Variants in CRYL1 observed in about 807,000 individuals in gnomAD.
CRYL1 encodes lambda-crystallin homolog.
In CRYL1, 29 loss-of-function variants were observed where a neutral mutation model predicts 36.6. The observed-to-expected ratio is 0.79, with a 90% CI of 0.59 to 1.08. CRYL1 has a LOEUF of 1.08. Ranked by LOEUF, CRYL1 falls within the 50% of genes least tolerant of loss-of-function variation. CRYL1 has a pLI of 0.00. For missense variants in CRYL1, 411 were observed against 407.9 expected, an observed-to-expected ratio of 1.01 and a Z score of -0.06; for synonymous variants, 152 against 151.5, an observed-to-expected ratio of 1.00 and a Z score of -0.02.
rs183011538 is a variant in CRYL1 at position 20,489,722 on chromosome 13, C to T, written c.150-226G>A. 1.0e-3 allele frequency among the ~76,000 whole-genome samples: 153 copies of T among 152,226 alleles called. 1 individual carries two copies. The highest frequency in any genetic ancestry group is 3.4e-3 in the African/African-American group (140 of 41,524). On this transcript the variant is annotated intron_variant, in intron 2 of 7. Coordinates refer to ENST00000298248, the MANE Select transcript of CRYL1 (RefSeq NM_015974.3). ...TGGTGAGACTGTAAAATGGTGCAAC[C>T]GCTATGGAAAACAGATATGGCAGTT...
At chr13:20,407,944 C>A (rs142542916) in intron 6 of CRYL1, among the ~76,000 whole-genome samples, 31 of 152,168 alleles carry the variant, frequency 2.0e-4, no homozygotes, top group Non-Finnish European at 4.3e-4. Context: ...GAGGCCACAG[C>A]CACTAGGAGG....
intron 3 of CRYL1, among the ~76,000 whole-genome samples, chr13:20,486,001 C>G (rs1248032965): frequency 6.6e-6 from 1 of 152,126 alleles, no homozygotes; most frequent in Non-Finnish European, 1.5e-5. Context: ...CCACTGCAAC[C>G]TCCACCTCCC....
chr13:20,430,476 C>A (rs2032034311), intron 5 of CRYL1: 4 of 985,366 alleles, frequency 4.1e-6, no homozygotes, highest in Middle Eastern at 5.2e-4. Flanking sequence ...GCTGCCATGA[C>A]CCATGAAGAG....
rs56087130 is a variant in CRYL1 at position 20,439,514 on chromosome 13, C to CAAAAAAAAAAAAAAAAAAA, written c.438+78_438+79insTTTTTTTTTTTTTTTTTTT. On this transcript the variant is annotated intron_variant, in intron 4 of 7. Coordinates refer to ENST00000298248, the MANE Select transcript of CRYL1 (RefSeq NM_015974.3). ...ACAAGTTATTGACCCCCCTCCCCCG[C>CAAAAAAAAAAAAAAAAAAA]AAAAAAAAAAAAAAAAGAAAAAAAA... 1.8e-4 allele frequency: 61 copies of CAAAAAAAAAAAAAAAAAAA among 331,810 alleles called. 3 individuals carry two copies. The highest frequency in any genetic ancestry group is 8.4e-4 in the East Asian group (10 of 11,868). The allele number at this position is 331,810 out of a possible 1,614,324, so 20.6% of individuals were successfully genotyped here.
intron 3 of CRYL1, among the ~76,000 whole-genome samples, chr13:20,469,576 T>G (rs1473402655): frequency 6.6e-6 from 1 of 152,204 alleles, no homozygotes; most frequent in Non-Finnish European, 1.5e-5. Context: ...TTCAATTAAC[T>G]CAGTGGCTGG....
At chr13:20,503,254 T>A (rs2033734975) in intron 2 of CRYL1, among the ~76,000 whole-genome samples, 1 of 152,172 alleles carries the variant, frequency 6.6e-6, no homozygotes, top group Non-Finnish European at 1.5e-5. Flanking sequence ...CACAGGGAAG[T>A]CAGATTGAAC....
At chr13:20,427,227 T>C (rs905670651) in intron 5 of CRYL1, 2 of 985,286 alleles carry the variant, frequency 2.0e-6, no homozygotes, top group African/African-American at 3.5e-5. Context: ...GGGAAGTAAG[T>C]GTCAGTAGAT....
At chr13:20,424,287 C>T (rs2031885665) in intron 5 of CRYL1, among the ~76,000 whole-genome samples, 2 of 152,194 alleles carry the variant, frequency 1.3e-5, no homozygotes, top group South Asian at 4.1e-4. Flanking sequence ...GCAGTCCCAA[C>T]AGAGGTGCTG....
At chr13:20,495,678 A>T (rs548292663) in intron 2 of CRYL1, among the ~76,000 whole-genome samples, 1 of 152,334 alleles carries the variant, frequency 6.6e-6, no homozygotes, top group African/African-American at 2.4e-5. Context: ...GCAAAGAGAG[A>T]TTTGCACAGT....
intron 4 of CRYL1, among the ~76,000 whole-genome samples, chr13:20,433,484 C>G (rs1351797419): frequency 1.3e-5 from 2 of 152,154 alleles, no homozygotes; most frequent in Non-Finnish European, 2.9e-5. Context: ...AAAGATGACT[C>G]CCACAGAAGA....
At position 20,505,220 on chromosome 13, in the gene CRYL1, G is replaced by A. The variant is rs566830099; in HGVS notation, c.149+7223C>T. On this transcript the variant is annotated intron_variant, in intron 2 of 7. Transcript: ENST00000298248. Reference sequence around the variant, plus strand: ...AAAAATACTAAAATCAGCCAGACGTGGTGGCACATGCCTGTAGTCCCAGCT... The same window carrying A: ...AAAAATACTAAAATCAGCCAGACGTAGTGGCACATGCCTGTAGTCCCAGCT... Among the ~76,000 whole-genome samples the A allele has an allele frequency of 3.4e-3, 520 of 152,138 alleles. 2 individuals are homozygous for A. The highest frequency in any genetic ancestry group is 5.6e-3 in the Non-Finnish European group (379 of 68,002).
chr13:20,486,875 A>G (rs1035126196), intron 3 of CRYL1, among the ~76,000 whole-genome samples: 1 of 152,138 alleles, frequency 6.6e-6, no homozygotes, highest in African/African-American at 2.4e-5. Context: ...AATAATTACC[A>G]TTTCCTGAGC....
At chr13:20,429,713 G>T (rs540823635) in intron 5 of CRYL1, among the ~76,000 whole-genome samples, 14 of 152,244 alleles carry the variant, frequency 9.2e-5, no homozygotes, top group African/African-American at 3.4e-4. Context: ...TGGATGCTCA[G>T]GTGTGCATGT....
At chr13:20,478,921 AT>A (rs34898995) in intron 3 of CRYL1, among the ~76,000 whole-genome samples, 93,489 of 145,714 alleles carry the variant, frequency 0.64, 30,499 homozygotes, top group East Asian at 0.8. Context: ...AGCCCAGCTA[AT>A]TTTTTTTTTT....
At chr13:20,414,117 G>C (rs2031594124) in intron 5 of CRYL1, among the ~76,000 whole-genome samples, 1 of 152,126 alleles carries the variant, frequency 6.6e-6, no homozygotes. Flanking sequence ...AGAAGTTGCA[G>C]TGAGCTGAGA....
chr13:20,484,870 A>T (rs1161500984), intron 3 of CRYL1, among the ~76,000 whole-genome samples: 1 of 152,218 alleles, frequency 6.6e-6, no homozygotes, highest in East Asian at 1.9e-4. Context: ...TTAATTAGGT[A>T]AGATACATGT....
chr13:20,460,229 T>C (rs1470228521), intron 3 of CRYL1, among the ~76,000 whole-genome samples: 3 of 152,200 alleles, frequency 2.0e-5, no homozygotes, highest in Non-Finnish European at 4.4e-5. Flanking sequence ...GATTTAATCC[T>C]TGCACCACAT....
intron 1 of CRYL1, among the ~76,000 whole-genome samples, chr13:20,520,627 G>A (rs1396913014): frequency 2.0e-5 from 3 of 152,116 alleles, no homozygotes; most frequent in East Asian, 1.9e-4. Flanking sequence ...ACAGCAGACC[G>A]CTGACCCCTG....
intron 5 of CRYL1, among the ~76,000 whole-genome samples, chr13:20,420,795 G>A (rs1343068950): frequency 6.8e-6 from 1 of 148,130 alleles, no homozygotes; most frequent in Non-Finnish European, 1.5e-5. Flanking sequence ...GAGTGCAGTG[G>A]CGTGATCGCA....
Sources: allele counts gnomAD v4.1 joint callset (sites outside exome capture counted in the v4.1 genomes callset), GRCh38; gene constraint gnomAD v4.1.1; transcripts MANE v1.5; gene names NCBI Gene and HGNC (gene_info 2026-07-23, HGNC 2026-07-21).